LTA: variants seen among roughly 807,000 people sequenced by gnomAD.
LTA encodes lymphotoxin alpha.
A neutral mutation model predicts 15.1 loss-of-function variants in LTA; 6 were observed. That is an observed-to-expected ratio of 0.40 (90% CI 0.22 to 0.78). LTA has a LOEUF of 0.78. Among genes scored for constraint, LTA ranks in the 30% least tolerant of loss-of-function variants. The pLI, the probability that LTA is intolerant of heterozygous loss-of-function variation, is 0.38. For synonymous variants in LTA, 87 were observed against 107.3 expected, an observed-to-expected ratio of 0.81 and a Z score of 1.17; for missense variants, 173 against 249.5, an observed-to-expected ratio of 0.69 and a Z score of 2.06.
upstream of LTA, among the ~76,000 whole-genome samples, chr6:31,567,645 A>AACACAC (rs9279356): frequency 4.9e-5 from 6 of 122,072 alleles, no homozygotes; most frequent in South Asian, 2.7e-4. Flanking sequence ...TCTCCCCTGC[A>AACACAC]ACACACACAC....
the LTA span, among the ~76,000 whole-genome samples, chr6:31,565,118 C>T: frequency 6.6e-6 from 1 of 151,950 alleles, no homozygotes; most frequent in Non-Finnish European, 1.5e-5. Flanking sequence ...AAATAACGAC[C>T]CCTCTCTTCT....
Position 31,573,314 on chromosome 6 carries a change from G to A in LTA, c.239G>A (p.Arg80Lys). The A allele has an allele frequency of 6.2e-7, 1 of 1,613,698 alleles. No homozygotes were observed. The highest frequency in any genetic ancestry group is 8.5e-7 in the Non-Finnish European group (1 of 1,179,854). The change falls in exon 4 of 4, where the codon AGA (arginine) becomes AAA (lysine). Residue 80 changes from arginine to lysine, a missense_variant. Coordinates refer to ENST00000418386, the MANE Select transcript of LTA (RefSeq NM_000595.4). ...AGCAAGCAGAACTCACTGCTCTGGA[G>A]AGCAAACACGGACCGTGCCTTCCTC... ...DPSKQNSLLW[R>K]ANTDRAFLQD...
the LTA span, among the ~76,000 whole-genome samples, chr6:31,566,042 G>T: frequency 6.6e-6 from 1 of 152,118 alleles, no homozygotes. Flanking sequence ...GCCAGGCACG[G>T]TGGCGCATGC....
At chr6:31,573,180 T>G in intron 3 of LTA, 101 bp from the exon 4 acceptor site, 2 of 1,035,966 alleles carry the variant, frequency 1.9e-6, no homozygotes, top group Non-Finnish European at 2.7e-6. Flanking sequence ...CCCCCTGCCA[T>G]CCCCCAGGAA....
chr6:31,573,229 C>A, intron 3 of LTA, 52 bp from the exon 4 acceptor site: 7 of 1,556,654 alleles, frequency 4.5e-6, no homozygotes, highest in Non-Finnish European at 5.2e-6. Context: ...GGATTGAGAC[C>A]TCTGATCCAG....
chr6:31,564,643 T>G, the LTA span, among the ~76,000 whole-genome samples: 3 of 150,456 alleles, frequency 2.0e-5, no homozygotes, highest in African/African-American at 7.3e-5. Flanking sequence ...CGGTGGGTCA[T>G]GCCTGTAATC....
At chr6:31,562,562 A>G in the LTA span, among the ~76,000 whole-genome samples, 1 of 152,210 alleles carries the variant, frequency 6.6e-6, no homozygotes, top group Non-Finnish European at 1.5e-5. Context: ...TAAAATGAAG[A>G]TGCTTAAAGA....
In LTA at chr6:31,573,802, C is replaced by G; in HGVS notation, c.*109C>G. ...CGTCACCACCTCTCCTTTGGCCATT[C>G]CAACAGCTCAAGTCTTCCCTGATCA... On this transcript the variant is annotated 3_prime_UTR_variant, in exon 4 of 4. Transcript: ENST00000418386. 7.8e-7 allele frequency: 1 copy of G among 1,281,854 alleles called. No individual in the cohort carries two copies. The highest frequency in any genetic ancestry group is 1.1e-6 in the Non-Finnish European group (1 of 895,594). 79.4% of individuals were successfully genotyped at this position (1,281,854 alleles called of 1,614,324 possible). A position where few individuals can be genotyped will look rare whatever the true frequency, so the allele number is the denominator to read the frequency against.
At chr6:31,565,179 A>G in the LTA span, among the ~76,000 whole-genome samples, 1 of 152,222 alleles carries the variant, frequency 6.6e-6, no homozygotes, top group Admixed American at 6.5e-5. Flanking sequence ...CCTTCACCAC[A>G]GAGAGGAGTA....
intron 3 of LTA, 36 bp from the exon 4 acceptor site, chr6:31,573,244 CT>C: frequency 6.3e-7 from 1 of 1,581,738 alleles, no homozygotes; most frequent in South Asian, 1.2e-5. Flanking sequence ...ATCCAGACCC[CT>C]GATCTCCCAC....
the LTA span, among the ~76,000 whole-genome samples, chr6:31,562,859 CAAAAA>C: frequency 3.0e-4 from 28 of 93,468 alleles, no homozygotes; most frequent in African/African-American, 9.0e-4. Flanking sequence ...GACTCAGTCT[CAAAAA>C]AAAAAAAAAA....
upstream of LTA, among the ~76,000 whole-genome samples, chr6:31,571,612 G>A (rs1044353629): frequency 4.6e-5 from 7 of 152,202 alleles, no homozygotes; most frequent in Non-Finnish European, 1.0e-4. Flanking sequence ...CTTCAGGAGT[G>A]AGATGAGACC....
Position 31,573,662 on chromosome 6 carries a change from G to C in LTA, c.587G>C (p.Ser196Thr). ...DGIPHLVLSPSTVFFGAFAL is the reference protein window; with the variant it reads ...DGIPHLVLSPTTVFFGAFAL ...ATCCCCCACCTAGTCCTCAGCCCTAGTACTGTCTTCTTTGGAGCCTTCGCT... is the reference window on the plus strand; with the variant it reads ...ATCCCCCACCTAGTCCTCAGCCCTACTACTGTCTTCTTTGGAGCCTTCGCT... The change falls in exon 4 of 4, where the codon AGT becomes ACT. Residue 196 changes from serine (S) to threonine (T), a missense_variant. Transcript: ENST00000418386. 1 of 1,613,836 alleles carries C rather than the reference G, an allele frequency of 6.2e-7. No individual in the cohort carries two copies. Among genetic ancestry groups the C allele is most frequent in the African/African-American group, 1.3e-5 (1 of 75,032 alleles).
chr6:31,570,930 TG>T (rs2150382706), upstream of LTA, among the ~76,000 whole-genome samples: 1 of 152,198 alleles, frequency 6.6e-6, no homozygotes, highest in African/African-American at 2.4e-5. Context: ...GGGAACCTGC[TG>T]GGGACCTGAA....
intron 1 of LTA, 24 bp from the exon 2 acceptor site, chr6:31,572,710 C>CTG (rs2150384366): frequency 7.4e-6 from 11 of 1,484,460 alleles, no homozygotes; most frequent in South Asian, 1.1e-5. Context: ...CACTGTCTCT[C>CTG]TCTCTCTCTC....
chr6:31,573,785 C>A lies in LTA; in HGVS notation c.*92C>A. The A allele has an allele frequency of 6.8e-7, 1 of 1,460,994 alleles. No individual in the cohort carries two copies. Among genetic ancestry groups the A allele is most frequent in the Non-Finnish European group, 9.5e-7 (1 of 1,052,782 alleles). The allele number at this position is 1,460,994 out of a possible 1,614,324, so 90.5% of individuals were successfully genotyped here. A position where few individuals can be genotyped will look rare whatever the true frequency, so the allele number is the denominator to read the frequency against. ...CTGACCATTTCAGGGGTCGTCACCA[C>A]CTCTCCTTTGGCCATTCCAACAGCT... On this transcript the variant is annotated 3_prime_UTR_variant, in exon 4 of 4. Transcript: ENST00000418386.
intron 3 of LTA, 123 bp downstream of exon 3, chr6:31,573,156 C>T: frequency 5.8e-6 from 7 of 1,200,866 alleles, no homozygotes; most frequent in Non-Finnish European, 8.3e-6. Flanking sequence ...CAGAGGGAGC[C>T]CACTCCTATG....
chr6:31,560,970 A>T, the LTA span, among the ~76,000 whole-genome samples: 3 of 152,158 alleles, frequency 2.0e-5, no homozygotes, highest in African/African-American at 7.2e-5. Flanking sequence ...AAGAGGGGAG[A>T]TTAAGTCCAT....
At chr6:31,572,496 G>A in intron 1 of LTA, 50 bp downstream of exon 1, 1 of 582,058 alleles carries the variant, frequency 1.7e-6, no homozygotes, top group South Asian at 2.2e-5. Flanking sequence ...CCATCTGTCA[G>A]TCTCATTGTC....
Sources: allele counts gnomAD v4.1 joint callset (sites outside exome capture counted in the v4.1 genomes callset), GRCh38; gene constraint gnomAD v4.1.1; transcripts MANE v1.5; gene names NCBI Gene and HGNC (gene_info 2026-07-23, HGNC 2026-07-21).